PRTG: variants seen among roughly 807,000 people sequenced by gnomAD.
PRTG encodes protogenin.
In PRTG, 67 loss-of-function variants were observed where a neutral mutation model predicts 122.5. The ratio of observed to expected loss-of-function variants is 0.55; its 90% CI spans 0.45 to 0.67. The LOEUF is 0.67. Among genes scored for constraint, PRTG ranks in the 30% least tolerant of loss-of-function variants. The pLI, the probability that PRTG is intolerant of heterozygous loss-of-function variation, is 0.00. For synonymous variants in PRTG, 554 were observed against 501.1 expected, an observed-to-expected ratio of 1.11 and a Z score of -1.41; for missense variants, 1,435 against 1,415.4, an observed-to-expected ratio of 1.01 and a Z score of -0.22.
At chr15:55,708,147 G>GGAAAAAAAA (rs1567109053) in intron 2 of PRTG, among the ~76,000 whole-genome samples, 1 of 27,940 alleles carries the variant, frequency 3.6e-5, no homozygotes, top group African/African-American at 1.7e-4. Flanking sequence ...GAGTAAGCTG[G>GGAAAAAAAA]TAAAAAAAAA....
rs758849100 is a variant in PRTG, at chr15:55,627,107, A to T, written c.2828T>A (p.Leu943Gln). 8 of 1,603,780 alleles carry T rather than the reference A, an allele frequency of 5.0e-6. No homozygotes were observed. In the Admixed American group the frequency reaches 1.3e-4, roughly 27 times the overall value. ...DAKVYSGYYHLDQKSMTGIAV... is the reference protein window; with the variant it reads ...DAKVYSGYYHQDQKSMTGIAV... ...AATGCCAGTCATTGATTTTTGGTCC[A>T]GATGGTAATATCCTGAATAAACTAG... The change falls in exon 17 of 20, where the codon CTG (leucine) becomes CAG (glutamine). Residue 943 changes from leucine to glutamine, a missense_variant. By Grantham distance (113) the Leu-to-Gln change is moderately radical. Transcript: ENST00000389286.
chr15:55,689,271 G>A lies in PRTG; in HGVS notation c.398-5340C>T, dbSNP rs77834883. Among the ~76,000 whole-genome samples, 1,248 of 152,268 alleles carry A rather than the reference G, an allele frequency of 8.2e-3. 9 individuals are homozygous for A. The highest frequency in any genetic ancestry group is 0.011 in the Non-Finnish European group (746 of 68,028). ...ATCTCACAAAAATGTGATTCTAATT[G>A]TAAATGCTGTCAAAAAGCATCATGT... On this transcript the variant is annotated intron_variant, in intron 2 of 19. Coordinates refer to ENST00000389286, the MANE Select transcript of PRTG (RefSeq NM_173814.6).
In PRTG at chr15:55,611,804, C is replaced by T. The variant is rs1394813216; in HGVS notation, c.*8208G>A. ...AAGATACATTCAAAATCAAGGCAAA[C>T]ATTTGCTTTCTTCGTGCAATGGCAT... On this transcript the variant is annotated 3_prime_UTR_variant, in exon 20 of 20. Transcript: ENST00000389286. 1.3e-5 allele frequency: 2 copies of T among 151,754 alleles called. No individual in the cohort carries two copies. Among genetic ancestry groups the T allele is most frequent in the East Asian group, 1.9e-4 (1 of 5,186 alleles). 9.4% of individuals were successfully genotyped at this position (151,754 alleles called of 1,614,324 possible).
Position 55,673,363 on chromosome 15 carries a change from A to G in PRTG, c.1852+8T>C. On this transcript the variant is annotated splice_region_variant and intron_variant, in intron 10 of 19. Coordinates refer to ENST00000389286, the MANE Select transcript of PRTG (RefSeq NM_173814.6). The stretch of plus-strand genomic sequence containing the variant: ...ACTGTATTTTCTTAACAGTCTTCAG[A>G]AATTCACCTTTCACGCTTGTAGCTT... The G allele has an allele frequency of 6.3e-7, 1 of 1,597,674 alleles. No homozygotes were observed.
chr15:55,681,405 C>T (rs2059537174), intron 4 of PRTG: 1 of 152,034 alleles, frequency 6.6e-6, no homozygotes, highest in Non-Finnish European at 1.5e-5. Context: ...AGGTTTTCTT[C>T]TACTACATTT....
intron 2 of PRTG, among the ~76,000 whole-genome samples, chr15:55,693,960 AG>A (rs973623364): frequency 6.6e-6 from 1 of 152,200 alleles, no homozygotes; most frequent in African/African-American, 2.4e-5. Context: ...ATAAAGGCAA[AG>A]GTATTCTAAA....
At chr15:55,654,034 G>A (rs1023778959) in intron 11 of PRTG, among the ~76,000 whole-genome samples, 2 of 152,190 alleles carry the variant, frequency 1.3e-5, no homozygotes, top group South Asian at 2.1e-4. Context: ...TGCTATAAGT[G>A]AATCTGATTT....
chr15:55,636,608 T>C (rs964317916), intron 15 of PRTG, among the ~76,000 whole-genome samples: 2 of 152,092 alleles, frequency 1.3e-5, no homozygotes, highest in African/African-American at 4.8e-5. Context: ...AACTAGTCCA[T>C]TTGCATTACT....
At chr15:55,631,236 A>T (rs2059225787) in intron 15 of PRTG, among the ~76,000 whole-genome samples, 1 of 152,206 alleles carries the variant, frequency 6.6e-6, no homozygotes, top group Non-Finnish European at 1.5e-5. Flanking sequence ...CAGAGGAATT[A>T]AAAAAACAAA....
At chr15:55,674,392 T>C (rs2059490590) in intron 9 of PRTG, among the ~76,000 whole-genome samples, 1 of 152,212 alleles carries the variant, frequency 6.6e-6, no homozygotes, top group African/African-American at 2.4e-5. Flanking sequence ...CCTGCTATGC[T>C]AAGACTCACT....
chr15:55,621,138 G>A (rs112282565), intron 18 of PRTG, among the ~76,000 whole-genome samples: 11,077 of 152,248 alleles, frequency 0.073, 502 homozygotes, highest in Non-Finnish European at 0.1. Flanking sequence ...TGGATCATGA[G>A]GTCAGGAATT....
In PRTG at chr15:55,627,061, G is replaced by C. The variant is rs1277533929; in HGVS notation, c.2874C>G (p.Ala958=). ...GAACACAGATGAGGATGCAGGTCAA[G>C]GCTATGCCAACACCTACAGCAATGC... ...MTGIAVGVGI[A]LTCILICVLI... The change falls in exon 17 of 20, where the codon GCC becomes GCG. Residue 958 remains alanine, a synonymous_variant. Coordinates refer to ENST00000389286, the MANE Select transcript of PRTG (RefSeq NM_173814.6). 3.7e-6 allele frequency: 6 copies of C among 1,612,612 alleles called. No homozygotes were observed. The highest frequency in any genetic ancestry group is 2.7e-5 in the African/African-American group (2 of 74,858).
chr15:55,613,134 A>G lies in PRTG; in HGVS notation c.*6878T>C, dbSNP rs2059128129. 1 of 152,080 alleles carries G rather than the reference A, an allele frequency of 6.6e-6. No homozygotes were observed. Among genetic ancestry groups the G allele is most frequent in the Non-Finnish European group, 1.5e-5 (1 of 67,944 alleles). The allele number at this position is 152,080 out of a possible 1,614,324, so 9.4% of individuals were successfully genotyped here. On this transcript the variant is annotated 3_prime_UTR_variant, in exon 20 of 20. Transcript: ENST00000389286. ...GGAGAAGGCACAGAAACAGTTTAAG[A>G]ATTTTTGTACCAAACGATTCTCAAA...
At chr15:55,660,710 C>T (rs2141771110) in intron 11 of PRTG, among the ~76,000 whole-genome samples, 1 of 152,128 alleles carries the variant, frequency 6.6e-6, no homozygotes, top group East Asian at 1.9e-4. Flanking sequence ...ACCAAGGAAA[C>T]TTTTATTTGA....
intron 2 of PRTG, among the ~76,000 whole-genome samples, chr15:55,690,964 C>T (rs1354760081): frequency 1.3e-5 from 2 of 152,126 alleles, no homozygotes; most frequent in Non-Finnish European, 2.9e-5. Context: ...ACTTCCAAGA[C>T]CCTTATGAGT....
intron 2 of PRTG, among the ~76,000 whole-genome samples, chr15:55,703,899 T>G (rs2029983228): frequency 6.6e-6 from 1 of 152,234 alleles, no homozygotes; most frequent in Admixed American, 6.5e-5. Context: ...ATTATCTGTC[T>G]TCCCAGCAAC....
At chr15:55,706,339 G>A (rs2030115632) in intron 2 of PRTG, among the ~76,000 whole-genome samples, 1 of 151,832 alleles carries the variant, frequency 6.6e-6, no homozygotes, top group Admixed American at 6.6e-5. Flanking sequence ...GGATATCAAG[G>A]GATTATCAAG....
At chr15:55,660,032 CACAT>C (rs2059401185) in intron 11 of PRTG, among the ~76,000 whole-genome samples, 1 of 152,144 alleles carries the variant, frequency 6.6e-6, no homozygotes, top group African/African-American at 2.4e-5. Flanking sequence ...TTTTCTAACA[CACAT>C]ACTCATTATA....
chr15:55,637,561 T>A (rs2059264978), intron 14 of PRTG, among the ~76,000 whole-genome samples: 1 of 152,194 alleles, frequency 6.6e-6, no homozygotes, highest in South Asian at 2.1e-4. Context: ...AGATGGAGAA[T>A]CTAAGTTAAC....
Sources: allele counts gnomAD v4.1 joint callset (sites outside exome capture counted in the v4.1 genomes callset), GRCh38; gene constraint gnomAD v4.1.1; transcripts MANE v1.5; gene names NCBI Gene and HGNC (gene_info 2026-07-23, HGNC 2026-07-21).